Variants in SHROOM3 observed in about 807,000 individuals in gnomAD.
SHROOM3 encodes protein Shroom3.
SHROOM3 carries 47 observed loss-of-function variants against 138.6 expected under a neutral mutation model. That is an observed-to-expected ratio of 0.34 (90% CI 0.27 to 0.43). The LOEUF (loss-of-function observed/expected upper bound fraction) is 0.43. SHROOM3 is among the 20% of genes least tolerant of loss of function. SHROOM3 has a pLI of 1.00. For missense variants in SHROOM3, 2,491 were observed against 2,596.5 expected (o/e 0.96, Z 0.88); for synonymous variants, 1,062 against 1,063.3 (o/e 1.00, Z 0.02).
At chr4:76,527,537 C>T (rs1353542878) in intron 1 of SHROOM3, among the ~76,000 whole-genome samples, 4 of 152,168 alleles carry the variant, frequency 2.6e-5, no homozygotes, top group Admixed American at 2.0e-4. Context: ...AAGCCGAGAT[C>T]GTGCCACTGC....
chr4:76,493,224 CAAAAAAAAA>C (rs35837765), intron 1 of SHROOM3, among the ~76,000 whole-genome samples: 2 of 56,550 alleles, frequency 3.5e-5, no homozygotes, highest in African/African-American at 1.2e-4. Flanking sequence ...AACTCCATCT[CAAAAAAAAA>C]AAAAAAAAAA....
At chr4:76,750,742 A>G (rs1396356366) in intron 6 of SHROOM3, among the ~76,000 whole-genome samples, 3 of 152,080 alleles carry the variant, frequency 2.0e-5, no homozygotes, top group South Asian at 2.1e-4. Context: ...AATATCGACA[A>G]TCTGAGAAAC....
rs1722667661 is a variant in SHROOM3 at position 76,779,055 on chromosome 4, C to T, written c.5869C>T (p.Pro1957Ser). The change falls in exon 11 of 11, where the codon CCC becomes TCC. Residue 1957 changes from proline (P) to serine (S), a missense_variant. Physicochemically the swap from Pro to Ser is moderately conservative, Grantham distance 74 (BLOSUM62 -1). Transcript: ENST00000296043. The part of the protein sequence containing the change: ...EQVKCLLESL[P>S]SDFIPKAGAL... ...GGTCAAGTGTCTGCTGGAGAGCCTGCCCTCAGATTTCATTCCCAAGGCTGG... is the reference window on the plus strand; with the variant it reads ...GGTCAAGTGTCTGCTGGAGAGCCTGTCCTCAGATTTCATTCCCAAGGCTGG... 6.2e-7 allele frequency: 1 copy of T among 1,614,220 alleles called. No individual in the cohort carries two copies. The highest frequency in any genetic ancestry group is 8.5e-7 in the Non-Finnish European group (1 of 1,180,046).
intron 2 of SHROOM3, among the ~76,000 whole-genome samples, chr4:76,694,959 A>G (rs1019132825): frequency 1.3e-5 from 2 of 152,228 alleles, no homozygotes; most frequent in Non-Finnish European, 2.9e-5. Flanking sequence ...TTAGTACCCA[A>G]TACCATCCTG....
chr4:76,750,515 G>C (rs567179971), intron 6 of SHROOM3, among the ~76,000 whole-genome samples: 1 of 152,250 alleles, frequency 6.6e-6, no homozygotes, highest in Admixed American at 6.5e-5. Context: ...CCTATTTGAG[G>C]GTGGAGGGTG....
intron 2 of SHROOM3, among the ~76,000 whole-genome samples, chr4:76,608,667 A>ATAG (rs1467053579): frequency 0.047 from 2,225 of 47,724 alleles, 301 homozygotes; most frequent in African/African-American, 0.11. Context: ...ATAGCATAGC[A>ATAG]CAGCATAGCA....
At chr4:76,565,073 A>T (rs543111380) in intron 2 of SHROOM3, among the ~76,000 whole-genome samples, 238 of 151,372 alleles carry the variant, frequency 1.6e-3, no homozygotes, top group Non-Finnish European at 1.6e-3. Flanking sequence ...AGGCAGGAGA[A>T]TCGCTTGAAC....
intron 2 of SHROOM3, among the ~76,000 whole-genome samples, chr4:76,651,554 T>C (rs1026554221): frequency 1.3e-4 from 19 of 151,772 alleles, no homozygotes; most frequent in African/African-American, 4.3e-4. Context: ...TCTCTGGGCT[T>C]GTCAAGTAGC....
chr4:76,490,240 G>T (rs943096533), intron 1 of SHROOM3, among the ~76,000 whole-genome samples: 1 of 152,126 alleles, frequency 6.6e-6, no homozygotes, highest in African/African-American at 2.4e-5. Flanking sequence ...GACTTAGCCG[G>T]CAATCAGTCT....
Position 76,740,230 on chromosome 4 carries a change from A to G in SHROOM3, c.2057A>G (p.Glu686Gly). The G allele has an allele frequency of 6.2e-7, 1 of 1,613,414 alleles. No homozygotes were observed. ...SSLELGRGTQ[E>G]GYPGGRPTCA... ...CTGGAGCTAGGCCGGGGAACCCAGG[A>G]GGGTTACCCCGGGGGCAGGCCCACC... is the stretch of plus-strand genomic sequence containing the variant. Residue 686 changes from glutamate to glycine, a missense_variant, in exon 5 of 11, where the codon GAG (glutamate) becomes GGG (glycine). Coordinates refer to ENST00000296043, the MANE Select transcript of SHROOM3 (RefSeq NM_020859.4). The surrounding 1 kb of genome is among the most constrained non-coding windows in gnomAD (Gnocchi z 4.0).
At chr4:76,533,819 G>A (rs1732882788) in intron 1 of SHROOM3, among the ~76,000 whole-genome samples, 2 of 152,120 alleles carry the variant, frequency 1.3e-5, no homozygotes, top group African/African-American at 4.8e-5. Context: ...AATAGAAATT[G>A]AGGAAGTCTT....
At chr4:76,726,680 C>A (rs1007314585) in intron 3 of SHROOM3, among the ~76,000 whole-genome samples, 3 of 151,772 alleles carry the variant, frequency 2.0e-5, no homozygotes, top group Admixed American at 1.3e-4. Context: ...GTAGTGGGGA[C>A]TACAGGTGGA....
At chr4:76,593,059 C>CAAGA (rs1486146392) in intron 2 of SHROOM3, among the ~76,000 whole-genome samples, 1 of 152,176 alleles carries the variant, frequency 6.6e-6, no homozygotes, top group African/African-American at 2.4e-5. Flanking sequence ...GAAATTAGAA[C>CAAGA]AAGACAGGGA....
chr4:76,742,846 C>G (rs944331603), intron 5 of SHROOM3, among the ~76,000 whole-genome samples: 9 of 152,166 alleles, frequency 5.9e-5, no homozygotes, highest in Non-Finnish European at 1.2e-4. Flanking sequence ...CTCCACTCTC[C>G]CCTCTCAGAT....
intron 9 of SHROOM3, among the ~76,000 whole-genome samples, chr4:76,769,778 A>G (rs948000590): frequency 6.6e-6 from 1 of 152,224 alleles, no homozygotes; most frequent in Non-Finnish European, 1.5e-5. Context: ...AGTATCTACT[A>G]TAAGATTGCT....
intron 2 of SHROOM3, among the ~76,000 whole-genome samples, chr4:76,570,891 G>A (rs532217005): frequency 6.6e-6 from 1 of 152,096 alleles, no homozygotes; most frequent in Non-Finnish European, 1.5e-5. Flanking sequence ...AAGAAATGGG[G>A]TCAAAGAATG....
At chr4:76,730,189 G>A (rs1720832343) in intron 3 of SHROOM3, among the ~76,000 whole-genome samples, 1 of 152,238 alleles carries the variant, frequency 6.6e-6, no homozygotes, top group Admixed American at 6.5e-5. Flanking sequence ...AGGGCAGGAT[G>A]TTTAAAAGTT....
At chr4:76,721,234 C>T (rs934036788) in intron 3 of SHROOM3, among the ~76,000 whole-genome samples, 1 of 151,210 alleles carries the variant, frequency 6.6e-6, no homozygotes, top group African/African-American at 2.4e-5. Flanking sequence ...TGGCGTGAAC[C>T]CGGGAGGCGG....
At chr4:76,769,118 G>A (rs951104169) in intron 9 of SHROOM3, among the ~76,000 whole-genome samples, 1 of 150,162 alleles carries the variant, frequency 6.7e-6, no homozygotes, top group Non-Finnish European at 1.5e-5. Flanking sequence ...TTTTGTGTGT[G>A]TGTTTTTTTT....
Sources: gnomAD v4.1 joint callset for allele counts (sites outside exome capture counted in the v4.1 genomes callset) on GRCh38, gnomAD v4.1.1 for gene constraint, Gnocchi (gnomAD v3.1) non-coding constraint, MANE v1.5 for transcripts, NCBI Gene and HGNC (gene_info 2026-07-23, HGNC 2026-07-21) for gene names.